The following SLC30A10 variants were observed in gnomAD, a reference collection of about 807,000 sequenced individuals.
The protein encoded by SLC30A10 is solute carrier family 30 member 10, also known as calcium/manganese antiporter SLC30A10.
Under a neutral mutation model 21.7 loss-of-function variants are expected in SLC30A10, and 8 were observed. That is an observed-to-expected ratio of 0.37 (90% CI 0.22 to 0.67). SLC30A10 has a LOEUF of 0.67. Among genes scored for constraint, SLC30A10 ranks in the 30% least tolerant of loss-of-function variants. The pLI is 0.58. For missense variants in SLC30A10, 521 were observed against 642.5 expected, an observed-to-expected ratio of 0.81 and a Z score of 2.04; for synonymous variants, 272 against 279.4, an observed-to-expected ratio of 0.97 and a Z score of 0.26.
chr1:219,917,707 C>CTTTTTTTTT (rs1659576707), intron 3 of SLC30A10, among the ~76,000 whole-genome samples: 1 of 120,598 alleles, frequency 8.3e-6, no homozygotes, highest in Non-Finnish European at 1.7e-5. Context: ...TTTTTTCTTT[C>CTTTTTTTTT]CTTTTTTTTT....
chr1:219,925,652 T>TATATATATATA (rs1491117690), intron 2 of SLC30A10, among the ~76,000 whole-genome samples: 112 of 38,066 alleles, frequency 2.9e-3, no homozygotes, highest in African/African-American at 4.4e-3. Flanking sequence ...TATATATATA[T>TATATATATATA]TTTTTTTTTT....
At chr1:219,936,751 G>A (rs1293872766) in intron 1 of SLC30A10, among the ~76,000 whole-genome samples, 1 of 152,174 alleles carries the variant, frequency 6.6e-6, no homozygotes, top group Non-Finnish European at 1.5e-5. Flanking sequence ...GAGCTGAGAG[G>A]CAGTGGTAGA....
intron 1 of SLC30A10, among the ~76,000 whole-genome samples, chr1:219,957,391 C>T (rs1325799684): frequency 6.6e-6 from 1 of 151,988 alleles, no homozygotes; most frequent in Non-Finnish European, 1.5e-5. Context: ...CTCTGAGGTC[C>T]CCATACTCAG....
At chr1:219,932,249 A>T (rs1776042), upstream of SLC30A10, among the ~76,000 whole-genome samples, 9,100 of 152,036 alleles carry the variant, frequency 0.06, 909 homozygotes, top group African/African-American at 0.21. Flanking sequence ...TTTTTAGTGG[A>T]GATGGGGCGT....
intron 2 of SLC30A10, among the ~76,000 whole-genome samples, chr1:219,919,987 T>C (rs1659640721): frequency 6.6e-6 from 1 of 152,148 alleles, no homozygotes; most frequent in Admixed American, 6.5e-5. Flanking sequence ...GTGCTTTAAT[T>C]GAGCTAATTC....
chr1:219,951,347 G>T (rs532024496), intron 1 of SLC30A10, among the ~76,000 whole-genome samples: 2 of 152,288 alleles, frequency 1.3e-5, no homozygotes, highest in East Asian at 3.9e-4. Flanking sequence ...AGAACCAGTG[G>T]ATGAGGGAGG....
rs1195374929 is a variant in SLC30A10 at position 219,911,895 on chromosome 1, G to A, written c.*3554C>T. The stretch of plus-strand genomic sequence containing the variant: ...TGTCACAACTTCGGGGGACAGTACC[G>A]GCATTTATGCATAGCGGTCAGGGGT... On this transcript the variant is annotated 3_prime_UTR_variant, in exon 4 of 4. Coordinates refer to ENST00000366926, the MANE Select transcript of SLC30A10 (RefSeq NM_018713.3). 2.6e-5 allele frequency among the ~76,000 whole-genome samples: 4 copies of A among 151,886 alleles called. No individual in the cohort carries two copies. Among genetic ancestry groups the A allele is most frequent in the Non-Finnish European group, 4.4e-5 (3 of 67,984 alleles).
Position 219,918,611 on chromosome 1 carries a change from T to TGTTTTG in SLC30A10, c.719-123_719-118dup. The TGTTTTG allele has an allele frequency of 1.5e-6, 2 of 1,379,096 alleles. No homozygotes were observed. Among genetic ancestry groups the TGTTTTG allele is most frequent in the Non-Finnish European group, 1.9e-6 (2 of 1,030,126 alleles). 85.4% of individuals were successfully genotyped at this position (1,379,096 alleles called of 1,614,324 possible). A position where few individuals can be genotyped will look rare whatever the true frequency, so the allele number is the denominator to read the frequency against. ...TTACCATTTGGAGTTTTTTGGTTTT[T>TGTTTTG]GTTTTGGTTAGAACAGTAGGATGAA... On this transcript the variant is annotated intron_variant, in intron 2 of 3. Coordinates refer to ENST00000366926, the MANE Select transcript of SLC30A10 (RefSeq NM_018713.3). The surrounding 1 kb of genome is among the most constrained non-coding windows in gnomAD (Gnocchi z 4.4).
upstream of SLC30A10, among the ~76,000 whole-genome samples, chr1:219,930,053 C>G (rs916157478): frequency 5.9e-5 from 9 of 152,126 alleles, no homozygotes; most frequent in Non-Finnish European, 8.8e-5. Context: ...GTCTGGTCAT[C>G]TCTATTCTCC....
chr1:219,940,347 C>T (rs1362284551), intron 1 of SLC30A10, among the ~76,000 whole-genome samples: 1 of 152,182 alleles, frequency 6.6e-6, no homozygotes, highest in Non-Finnish European at 1.5e-5. Flanking sequence ...GTGACTGCAG[C>T]CTCAAGCCAT....
chr1:219,929,118 C>T (rs943149993), upstream of SLC30A10, among the ~76,000 whole-genome samples: 8 of 152,216 alleles, frequency 5.3e-5, no homozygotes, highest in Non-Finnish European at 1.2e-4. Context: ...ACCCTCATTC[C>T]ACTAACCCCA....
intron 1 of SLC30A10, among the ~76,000 whole-genome samples, chr1:219,933,664 A>G (rs1348430737): frequency 2.0e-5 from 3 of 152,218 alleles, no homozygotes; most frequent in Non-Finnish European, 4.4e-5. Flanking sequence ...GTGAATATTA[A>G]CAAAAAATAA....
intron 1 of SLC30A10, among the ~76,000 whole-genome samples, chr1:219,952,765 T>C (rs986066920): frequency 1.3e-5 from 2 of 152,202 alleles, no homozygotes; most frequent in Non-Finnish European, 1.5e-5. Flanking sequence ...ATTTACCTGA[T>C]ATCAGTCATA....
intron 1 of SLC30A10, among the ~76,000 whole-genome samples, chr1:219,927,462 C>T (rs1571801295): frequency 6.6e-6 from 1 of 151,726 alleles, no homozygotes; most frequent in South Asian, 2.1e-4. Flanking sequence ...AGAGTCCTGC[C>T]TGTTGCCCAA....
intron 1 of SLC30A10, among the ~76,000 whole-genome samples, chr1:219,942,162 G>A (rs1197150459): frequency 1.3e-5 from 2 of 152,146 alleles, no homozygotes; most frequent in South Asian, 2.1e-4. Flanking sequence ...TTCAGAAAGT[G>A]TGGCAGAAAA....
At chr1:219,927,773 C>A (rs1238720380) in intron 1 of SLC30A10, 28 bp downstream of exon 1, 3 of 1,497,874 alleles carry the variant, frequency 2.0e-6, no homozygotes, top group Non-Finnish European at 1.8e-6. Flanking sequence ...AAGGGCCAAG[C>A]GGTCCAAAGG....
intron 1 of SLC30A10, 135 bp downstream of exon 1, chr1:219,927,666 A>AAAAAAAAAAAAAAAAAAAAAAAAAAAAC (rs1553313720): frequency 4.0e-6 from 1 of 249,514 alleles, no homozygotes; most frequent in Non-Finnish European, 6.2e-6. Flanking sequence ...AAAAAAAAAA[A>AAAAAAAAAAAAAAAAAAAAAAAAAAAAC]AACAACAACA....
chr1:219,911,066 T>A lies in SLC30A10; in HGVS notation c.*4383A>T, dbSNP rs1228381431. On this transcript the variant is annotated 3_prime_UTR_variant, in exon 4 of 4. Coordinates refer to ENST00000366926, the MANE Select transcript of SLC30A10 (RefSeq NM_018713.3). ...GACACTTTATCAGGTGCATGACTTC[T>A]ATAGAGCAGGCATGCAGTCCGCGAT... Among the ~76,000 whole-genome samples, 1 of 150,450 alleles carries A rather than the reference T, an allele frequency of 6.6e-6. No individual in the cohort carries two copies. Among genetic ancestry groups the A allele is most frequent in the African/African-American group, 2.4e-5 (1 of 40,894 alleles).
chr1:219,932,230 A>T (rs551640559), upstream of SLC30A10, among the ~76,000 whole-genome samples: 9,095 of 151,970 alleles, frequency 0.06, 902 homozygotes, highest in African/African-American at 0.21. Context: ...CGCCCAGCTA[A>T]TTTTTGTATT....
Sources: gnomAD v4.1 joint callset for allele counts (sites outside exome capture counted in the v4.1 genomes callset) on GRCh38, gnomAD v4.1.1 for gene constraint, Gnocchi (gnomAD v3.1) non-coding constraint, MANE v1.5 for transcripts, NCBI Gene and HGNC (gene_info 2026-07-23, HGNC 2026-07-21) for gene names.